GADD45GIP1: variants seen among roughly 807,000 people sequenced by gnomAD.
GADD45GIP1 encodes large ribosomal subunit protein mL64.
In GADD45GIP1, 17 loss-of-function variants were observed where a neutral mutation model predicts 22.1. That is an observed-to-expected ratio of 0.77 (90% CI 0.53 to 1.15). GADD45GIP1 has a LOEUF of 1.15. GADD45GIP1 is among the 50% of genes most tolerant of loss of function. The pLI is 0.00. For synonymous variants in GADD45GIP1, 135 were observed against 138.4 expected (o/e 0.98, Z 0.17); for missense variants, 294 against 314.0 (o/e 0.94, Z 0.48).
At position 12,954,137 on chromosome 19, in the gene GADD45GIP1, C is replaced by A; in HGVS notation, c.*71G>T. ...AGGAACCAGGGGACCCAGAGAGGCA[C>A]ACCTTGAGAGGACGCAGATCTCTTC... On this transcript the variant is annotated 3_prime_UTR_variant, in exon 2 of 2. Transcript: ENST00000316939. The A allele has an allele frequency of 7.4e-7, 1 of 1,346,168 alleles. No individual in the cohort carries two copies. The highest frequency in any genetic ancestry group is 1.0e-6 in the Non-Finnish European group (1 of 970,412). The allele number at this position is 1,346,168 out of a possible 1,614,324, so 83.4% of individuals were successfully genotyped here. A position where few individuals can be genotyped will look rare whatever the true frequency, so the allele number is the denominator to read the frequency against.
rs1193892111 is a variant in GADD45GIP1, at chr19:12,953,287, C to T, written c.*921G>A. The T allele has an allele frequency of 5.7e-6, 2 of 348,902 alleles. No homozygotes were observed. Among genetic ancestry groups the T allele is most frequent in the Non-Finnish European group, 1.0e-5 (2 of 198,802 alleles). 21.6% of individuals were successfully genotyped at this position (348,902 alleles called of 1,614,324 possible). On this transcript the variant is annotated 3_prime_UTR_variant, in exon 2 of 2. Coordinates refer to ENST00000316939, the MANE Select transcript of GADD45GIP1 (RefSeq NM_052850.4). ...CCCCAGCCCAGCCTGCTCAGAGAAG[C>T]TGGCAGGACTGGGAGGCGACAGATG...
At chr19:12,955,093 TC>T (rs1362666556) in intron 1 of GADD45GIP1, among the ~76,000 whole-genome samples, 1 of 152,148 alleles carries the variant, frequency 6.6e-6, no homozygotes, top group Non-Finnish European at 1.5e-5. Context: ...TTTTTCCTGA[TC>T]CTCTCCCTCC....
In GADD45GIP1 at chr19:12,954,320, T is replaced by C. The variant is rs776867278; in HGVS notation, c.557A>G (p.Glu186Gly). 8.5e-5 allele frequency: 138 copies of C among 1,614,050 alleles called. No homozygotes were observed. In the Admixed American group the frequency reaches 2.2e-3, roughly 26 times the overall value. ...TTTTTCCTCCTTGAGGCGCTTGCGC[T>C]CCTTCTTCTCTAGGTCCTGGAGCAG... ...QELLQDLEKK[E>G]RKRLKEEKQK... The change falls in exon 2 of 2, where the codon GAG becomes GGG. Residue 186 changes from glutamate (E) to glycine (G), a missense_variant. By Grantham distance (98) the Glu-to-Gly change is moderately conservative. Coordinates refer to ENST00000316939, the MANE Select transcript of GADD45GIP1 (RefSeq NM_052850.4).
chr19:12,956,806 G>C, intron 1 of GADD45GIP1, 57 bp downstream of exon 1: 1 of 1,515,072 alleles, frequency 6.6e-7, no homozygotes, highest in South Asian at 1.1e-5. Flanking sequence ...ACGGTTTGGG[G>C]CCCAGTTCGC....
In GADD45GIP1 at chr19:12,953,901, C is replaced by A. The variant is rs1026192825; in HGVS notation, c.*307G>T. On this transcript the variant is annotated 3_prime_UTR_variant, in exon 2 of 2. Transcript: ENST00000316939. Reference sequence around the variant, plus strand: ...AGTCTGTTTTGGCTATACTTCCCCCCCCACCAGCCTTGTAATTGGCTAATT... The same window carrying A: ...AGTCTGTTTTGGCTATACTTCCCCCACCACCAGCCTTGTAATTGGCTAATT... The A allele has an allele frequency of 2.5e-4, 88 of 347,194 alleles. No homozygotes were observed. The highest frequency in any genetic ancestry group is 1.5e-3 in the African/African-American group (72 of 47,578). The allele number at this position is 347,194 out of a possible 1,614,324, so 21.5% of individuals were successfully genotyped here.
At position 12,953,971 on chromosome 19, in the gene GADD45GIP1, C is replaced by A; in HGVS notation, c.*237G>T. The A allele has an allele frequency of 1.9e-6, 1 of 521,800 alleles. No individual in the cohort carries two copies. The highest frequency in any genetic ancestry group is 2.9e-5 in the South Asian group (1 of 34,058). The allele number at this position is 521,800 out of a possible 1,614,324, so 32.3% of individuals were successfully genotyped here. On this transcript the variant is annotated 3_prime_UTR_variant, in exon 2 of 2. Coordinates refer to ENST00000316939, the MANE Select transcript of GADD45GIP1 (RefSeq NM_052850.4). ...AAACAGAAGCCTTCTTCTCTTCTGC[C>A]ATCTGCTTCTCCATTATTTGCCCAT...
Position 12,956,977 on chromosome 19 carries a change from G to A in GADD45GIP1, c.236C>T (p.Pro79Leu), listed in dbSNP as rs1226325326. ...GVVPGSLWPS[P>L]EQLRELEAEE... ...GGCCTCCAGCTCCCGCAGCTGCTCC[G>A]GCGACGGCCATAACGAACCGGGGAC... Residue 79 changes from proline (P) to leucine (L), a missense_variant, in exon 1 of 2, where the codon CCG (proline) becomes CTG (leucine). Transcript: ENST00000316939. The A allele has an allele frequency of 6.3e-6, 10 of 1,598,954 alleles. No individual in the cohort carries two copies. In the East Asian group the frequency reaches 2.0e-4, roughly 32 times the overall value.
intron 1 of GADD45GIP1, among the ~76,000 whole-genome samples, chr19:12,956,647 CTT>C (rs1971927455): frequency 6.6e-6 from 1 of 151,828 alleles, no homozygotes; most frequent in South Asian, 2.1e-4. Flanking sequence ...GAGCGAGACT[CTT>C]GTCTCCAAAA....
At position 12,953,955 on chromosome 19, in the gene GADD45GIP1, CCTT is replaced by C. The variant is rs891330986; in HGVS notation, c.*250_*252del. On this transcript the variant is annotated 3_prime_UTR_variant, in exon 2 of 2. Coordinates refer to ENST00000316939, the MANE Select transcript of GADD45GIP1 (RefSeq NM_052850.4). ...GGAGATGAATGTTGGTAAACAGAAG[CCTT>C]CTTCTCTTCTGCCATCTGCTTCTCC... 13 of 487,652 alleles carry C rather than the reference CCTT, an allele frequency of 2.7e-5. No individual in the cohort carries two copies. The highest frequency in any genetic ancestry group is 2.7e-4 in the Admixed American group (7 of 26,362). 30.2% of individuals were successfully genotyped at this position (487,652 alleles called of 1,614,324 possible).
intron 1 of GADD45GIP1, among the ~76,000 whole-genome samples, chr19:12,955,722 G>A (rs1372248147): frequency 6.6e-6 from 1 of 152,144 alleles, no homozygotes; most frequent in Admixed American, 6.6e-5. Context: ...TGAGCCGGGT[G>A]TGGTGGTGGG....
rs1170883879 is a variant in GADD45GIP1 at position 12,953,588 on chromosome 19, G to C, written c.*620C>G. The C allele has an allele frequency of 6.5e-6, 1 of 153,836 alleles. No individual in the cohort carries two copies. Among genetic ancestry groups the C allele is most frequent in the African/African-American group, 2.4e-5 (1 of 41,450 alleles). 9.5% of individuals were successfully genotyped at this position (153,836 alleles called of 1,614,324 possible). A position where few individuals can be genotyped will look rare whatever the true frequency, so the allele number is the denominator to read the frequency against. On this transcript the variant is annotated 3_prime_UTR_variant, in exon 2 of 2. Transcript: ENST00000316939. ...CATTGTCAAGGCCACCCCCACCCCAGAACAGAACCGTGTCTCTGATAAAGG... is the reference window on the plus strand; with the variant it reads ...CATTGTCAAGGCCACCCCCACCCCACAACAGAACCGTGTCTCTGATAAAGG...
chr19:12,953,337 C>T lies in GADD45GIP1; in HGVS notation c.*871G>A. 1 of 249,666 alleles carries T rather than the reference C, an allele frequency of 4.0e-6. No homozygotes were observed. Among genetic ancestry groups the T allele is most frequent in the Non-Finnish European group, 7.4e-6 (1 of 134,452 alleles). The allele number at this position is 249,666 out of a possible 1,614,324, so 15.5% of individuals were successfully genotyped here. A position where few individuals can be genotyped will look rare whatever the true frequency, so the allele number is the denominator to read the frequency against. On this transcript the variant is annotated 3_prime_UTR_variant, in exon 2 of 2. Transcript: ENST00000316939. ...GGGCCCCTCTTGGCCTCTGTCCCAG[C>T]TCTCTGCAGCCAGACGGAAAGGCGG... is the stretch of plus-strand genomic sequence containing the variant.
rs771786408 is a variant in GADD45GIP1 at position 12,957,010 on chromosome 19, G to C, written c.203C>G (p.Ser68Cys). The change falls in exon 1 of 2, where the codon TCC (serine) becomes TGC (cysteine). Residue 68 changes from serine to cysteine, a missense_variant. Transcript: ENST00000316939. ...CCATAACGAACCGGGGACCACCCCG[G>C]AGGCGGCGCCGTAACGCGCGAACTG... ...AKQFARYGAA[S>C]GVVPGSLWPS... 3.1e-6 allele frequency: 5 copies of C among 1,598,208 alleles called. No individual in the cohort carries two copies. In the East Asian group the frequency reaches 6.7e-5, roughly 21 times the overall value.
rs1270401333 is a variant in GADD45GIP1, at chr19:12,956,901, C to T, written c.312G>A (p.Arg104=). 1.3e-6 allele frequency: 2 copies of T among 1,599,656 alleles called. No individual in the cohort carries two copies. Among genetic ancestry groups the T allele is most frequent in the Non-Finnish European group, 1.7e-6 (2 of 1,179,768 alleles). The change falls in exon 1 of 2, where the codon CGG becomes CGA. Residue 104 remains arginine (R), a synonymous_variant. Transcript: ENST00000316939. The part of the protein sequence containing the change: ...PSLATMQESL[R]VKQLAEEQKR... ...TCTGCTCTTCGGCCAGCTGCTTCAC[C>T]CGCAGCGACTCCTGCATGGTCGCCA...
intron 1 of GADD45GIP1, 91 bp downstream of exon 1, chr19:12,956,772 C>T: frequency 1.8e-6 from 2 of 1,094,014 alleles, no homozygotes; most frequent in Non-Finnish European, 2.7e-6. Flanking sequence ...GCAGATGCTG[C>T]GACGTGACCC....
At position 12,953,753 on chromosome 19, in the gene GADD45GIP1, T is replaced by G. The variant is rs1599672685; in HGVS notation, c.*455A>C. On this transcript the variant is annotated 3_prime_UTR_variant, in exon 2 of 2. Transcript: ENST00000316939. ...CGGGTGCCTGGAAGGGGGAGAGGAGTCTGTGAGTCCCTGCAGATTGAGGCT... is the reference window on the plus strand; with the variant it reads ...CGGGTGCCTGGAAGGGGGAGAGGAGGCTGTGAGTCCCTGCAGATTGAGGCT... 2 of 155,516 alleles carry G rather than the reference T, an allele frequency of 1.3e-5. No homozygotes were observed. Among genetic ancestry groups the G allele is most frequent in the South Asian group, 1.9e-4 (1 of 5,206 alleles). The allele number at this position is 155,516 out of a possible 1,614,324, so 9.6% of individuals were successfully genotyped here.
Position 12,954,111 on chromosome 19 carries a change from G to A in GADD45GIP1, c.*97C>T. On this transcript the variant is annotated 3_prime_UTR_variant, in exon 2 of 2. Coordinates refer to ENST00000316939, the MANE Select transcript of GADD45GIP1 (RefSeq NM_052850.4). ...ATTCCCCAGCTCTTAAGTATTGGGG[G>A]AGGAACCAGGGGACCCAGAGAGGCA... 5 of 1,053,878 alleles carry A rather than the reference G, an allele frequency of 4.7e-6. No individual in the cohort carries two copies. Among genetic ancestry groups the A allele is most frequent in the Non-Finnish European group, 7.0e-6 (5 of 709,532 alleles). 65.3% of individuals were successfully genotyped at this position (1,053,878 alleles called of 1,614,324 possible).
In GADD45GIP1 at chr19:12,956,633, AAC is replaced by A. The variant is rs1971927314; in HGVS notation, c.350+228_350+229del. Among the ~76,000 whole-genome samples, 3 of 152,298 alleles carry A rather than the reference AAC, an allele frequency of 2.0e-5. No individual in the cohort carries two copies. In the South Asian group the frequency reaches 6.2e-4, roughly 32 times the overall value. ...CTTGCGACTGCACTCCAGCCTGGGC[AAC>A]AGAGCGAGACTCTTGTCTCCAAAAA... On this transcript the variant is annotated intron_variant, in intron 1 of 1. Transcript: ENST00000316939.
In GADD45GIP1 at chr19:12,957,045, G is replaced by A. The variant is rs112984768; in HGVS notation, c.168C>T (p.Tyr56=). 1.5e-3 allele frequency: 2,438 copies of A among 1,585,116 alleles called. 27 individuals carry two copies. In the African/African-American group the frequency reaches 0.029, roughly 19 times the overall value. ...LTPRWQLGPR[Y]AAKQFARYGA... ...CGTAACGCGCGAACTGCTTAGCCGC[G>A]TAGCGCGGTCCCAGCTGCCACCGCG... Residue 56 remains tyrosine, a synonymous_variant, in exon 1 of 2, where the codon TAC becomes TAT. Coordinates refer to ENST00000316939, the MANE Select transcript of GADD45GIP1 (RefSeq NM_052850.4).
Sources: gnomAD v4.1 joint callset for allele counts (sites outside exome capture counted in the v4.1 genomes callset) on GRCh38, gnomAD v4.1.1 for gene constraint, MANE v1.5 for transcripts, NCBI Gene and HGNC (gene_info 2026-07-23, HGNC 2026-07-21) for gene names.